TSPEAR: variants seen among roughly 807,000 people sequenced by gnomAD.
TSPEAR encodes thrombospondin-type laminin G domain and EAR repeat-containing protein.
In TSPEAR, 69 loss-of-function variants were observed where a neutral mutation model predicts 71.6. That is an observed-to-expected ratio of 0.96 (90% CI 0.79 to 1.18). The LOEUF (loss-of-function observed/expected upper bound fraction) is 1.18. Ranked by LOEUF, TSPEAR falls within the 50% of genes most tolerant of loss-of-function variation. The pLI is 0.00. For synonymous variants in TSPEAR, 402 were observed against 387.2 expected (o/e 1.04, Z -0.45); for missense variants, 971 against 894.9 (o/e 1.09, Z -1.09).
At chr21:44,523,048 T>G (rs957573225) in intron 8 of TSPEAR, among the ~76,000 whole-genome samples, 1 of 151,936 alleles carries the variant, frequency 6.6e-6, no homozygotes, top group Non-Finnish European at 1.5e-5. Context: ...TCAGGTAGTT[T>G]GTCAGTCAGC....
intron 1 of TSPEAR, among the ~76,000 whole-genome samples, chr21:44,645,560 G>C (rs1197592652): frequency 6.6e-6 from 1 of 151,730 alleles, no homozygotes. Flanking sequence ...CACCATGCTG[G>C]CCAGGCTGGT....
intron 1 of TSPEAR, among the ~76,000 whole-genome samples, chr21:44,701,867 C>G (rs367677112): frequency 5.9e-5 from 9 of 152,302 alleles, no homozygotes; most frequent in African/African-American, 1.9e-4. Context: ...AACACTAGAA[C>G]GTGTCCCCCC....
At chr21:44,543,607 T>G (rs1555917447) in intron 2 of TSPEAR, among the ~76,000 whole-genome samples, 1 of 152,142 alleles carries the variant, frequency 6.6e-6, no homozygotes, top group African/African-American at 2.4e-5. Flanking sequence ...ATCCAATGTC[T>G]AGTGTCTTTA....
chr21:44,503,792 T>C (rs374563015), intron 11 of TSPEAR, among the ~76,000 whole-genome samples: 143 of 85,154 alleles, frequency 1.7e-3, no homozygotes, highest in Middle Eastern at 0.012. Flanking sequence ...GGGAGGAAGC[T>C]GGCCTCGGTG....
intron 1 of TSPEAR, chr21:44,646,396 A>G: frequency 6.4e-7 from 1 of 1,552,016 alleles, no homozygotes; most frequent in South Asian, 1.2e-5. Context: ...TCACTCACTC[A>G]CTCACACACA....
intron 1 of TSPEAR, among the ~76,000 whole-genome samples, chr21:44,611,444 C>T (rs1229123389): frequency 6.6e-6 from 1 of 152,110 alleles, no homozygotes; most frequent in Non-Finnish European, 1.5e-5. Context: ...TGTCAGCTCC[C>T]ACCAAGATTC....
Position 44,612,498 on chromosome 21 carries a change from G to A in TSPEAR, c.83-44493C>T. 1 of 1,610,150 alleles carries A rather than the reference G, an allele frequency of 6.2e-7. No individual in the cohort carries two copies. The highest frequency in any genetic ancestry group is 8.5e-7 in the Non-Finnish European group (1 of 1,177,176). On this transcript the variant is annotated intron_variant, in intron 1 of 11. Transcript: ENST00000323084. This position sits in a 1 kb window ranked among gnomAD's most constrained non-coding sequence, Gnocchi z 4.1. ...AAGTCCAACTGCTGCAAGCCCGTGT[G>A]CTGCGTGTCCATCTGCTCTGGAGCT...
At chr21:44,666,285 C>T in intron 1 of TSPEAR, 1 of 931,328 alleles carries the variant, frequency 1.1e-6, no homozygotes, top group South Asian at 1.9e-5. Flanking sequence ...TCAGCAAGGG[C>T]TCCAGATCAT....
At chr21:44,622,366 C>A (rs894089670) in intron 1 of TSPEAR, among the ~76,000 whole-genome samples, 2 of 152,088 alleles carry the variant, frequency 1.3e-5, no homozygotes, top group South Asian at 2.1e-4. Context: ...ATTTTTTATG[C>A]CCCCATCTTC....
At chr21:44,537,165 A>G (rs782556650) in intron 2 of TSPEAR, among the ~76,000 whole-genome samples, 1 of 152,312 alleles carries the variant, frequency 6.6e-6, no homozygotes, top group South Asian at 2.1e-4. Context: ...ATACTGGAAA[A>G]GCTTTCTAAA....
At chr21:44,518,393 T>C (rs2052652715) in intron 9 of TSPEAR, 1 of 423,790 alleles carries the variant, frequency 2.4e-6, no homozygotes, top group Non-Finnish European at 4.8e-6. Context: ...AAGAAGACAC[T>C]GTAAATTGGA....
intron 1 of TSPEAR, among the ~76,000 whole-genome samples, chr21:44,592,858 T>TGAA (rs1370129330): frequency 1.3e-5 from 2 of 152,004 alleles, no homozygotes; most frequent in African/African-American, 4.8e-5. Context: ...GTCCTTGTGG[T>TGAA]GAAAACCCCT....
chr21:44,501,114 G>A (rs977401494), intron 11 of TSPEAR, among the ~76,000 whole-genome samples: 3 of 152,314 alleles, frequency 2.0e-5, no homozygotes, highest in Middle Eastern at 3.4e-3. Context: ...GAATCATATG[G>A]AGTTATCAAG....
At chr21:44,556,636 G>T (rs981401753) in intron 2 of TSPEAR, among the ~76,000 whole-genome samples, 6 of 152,144 alleles carry the variant, frequency 3.9e-5, no homozygotes, top group Admixed American at 1.3e-4. Flanking sequence ...AGGTTGCAGT[G>T]AGCCGAGATC....
chr21:44,591,557 G>A (rs587672654), intron 1 of TSPEAR: 11 of 1,613,248 alleles, frequency 6.8e-6, no homozygotes, highest in Admixed American at 5.0e-5. Context: ...TTGCACACAG[G>A]GTGGCAGAGG....
At chr21:44,680,926 T>G (rs1019457285) in intron 1 of TSPEAR, among the ~76,000 whole-genome samples, 1 of 152,158 alleles carries the variant, frequency 6.6e-6, no homozygotes, top group African/African-American at 2.4e-5. Context: ...ACAGAAAGAA[T>G]AAGTTCTAAT....
At chr21:44,704,928 C>T (rs1338648555) in intron 1 of TSPEAR, among the ~76,000 whole-genome samples, 7 of 152,116 alleles carry the variant, frequency 4.6e-5, no homozygotes, top group Non-Finnish European at 7.4e-5. Context: ...CCCGCCCAGA[C>T]GCACTGACCT....
intron 2 of TSPEAR, among the ~76,000 whole-genome samples, chr21:44,564,114 T>C (rs2053674409): frequency 6.6e-6 from 1 of 152,218 alleles, no homozygotes. Flanking sequence ...GTGTGCCTTG[T>C]TCAACCTTAT....
chr21:44,576,320 A>C lies in TSPEAR; in HGVS notation c.83-8315T>G, dbSNP rs182060249. ...GTCCCAGGGTGGGTGAGGGGGCATA[A>C]CTCATGGGTGAACAGACACACGGAC... On this transcript the variant is annotated intron_variant, in intron 1 of 11. Coordinates refer to ENST00000323084, the MANE Select transcript of TSPEAR (RefSeq NM_144991.3). Among the ~76,000 whole-genome samples the C allele has an allele frequency of 6.2e-3, 710 of 115,120 alleles. 1 individual carries two copies. The highest frequency in any genetic ancestry group is 0.013 in the African/African-American group (378 of 28,026). The allele number at this position is 115,120 out of a possible 152,430, so 75.5% of individuals were successfully genotyped here.
Sources: gnomAD v4.1 joint callset for allele counts (sites outside exome capture counted in the v4.1 genomes callset) on GRCh38, gnomAD v4.1.1 for gene constraint, Gnocchi (gnomAD v3.1) non-coding constraint, MANE v1.5 for transcripts, NCBI Gene and HGNC (gene_info 2026-07-23, HGNC 2026-07-21) for gene names.